Variants in ONECUT3 observed in about 807,000 individuals in gnomAD.
The protein encoded by ONECUT3 is one cut domain family member 3.
In ONECUT3, 11 loss-of-function variants were observed where a neutral mutation model predicts 16.8. The ratio of observed to expected loss-of-function variants is 0.66; its 90% CI spans 0.41 to 1.09. ONECUT3 has a LOEUF of 1.09. Ranked by LOEUF, ONECUT3 falls within the 50% of genes least tolerant of loss-of-function variation. The pLI is 0.00. For missense variants in ONECUT3, 637 were observed against 629.9 expected, an observed-to-expected ratio of 1.01 and a Z score of -0.12; for synonymous variants, 344 against 310.7, an observed-to-expected ratio of 1.11 and a Z score of -1.13.
chr19:1,767,921 C>A (rs1410099676), intron 1 of ONECUT3, among the ~76,000 whole-genome samples: 1 of 152,170 alleles, frequency 6.6e-6, no homozygotes, highest in Non-Finnish European at 1.5e-5. Context: ...CGGGGACCCC[C>A]AGGAACCAGC....
rs142507593 is a variant in ONECUT3, at chr19:1,774,711, G to C, written c.1193-442G>C. The stretch of plus-strand genomic sequence containing the variant: ...TTGGGGGGTATGAGGCTTGGGGGGT[G>C]CCTGAGTGGGCTCCATGGAGAAGGG... On this transcript the variant is annotated intron_variant, in intron 1 of 1. Coordinates refer to ENST00000382349, the MANE Select transcript of ONECUT3 (RefSeq NM_001080488.2). Among the ~76,000 whole-genome samples, 481 of 145,170 alleles carry C rather than the reference G, an allele frequency of 3.3e-3. 14 individuals are homozygous for C. In the East Asian group the frequency reaches 0.067, roughly 20 times the overall value.
At chr19:1,773,228 C>A (rs999541489) in intron 1 of ONECUT3, among the ~76,000 whole-genome samples, 1 of 150,854 alleles carries the variant, frequency 6.6e-6, no homozygotes, top group African/African-American at 2.4e-5. Flanking sequence ...CCTCCCCCAC[C>A]AAACCATTTT....
chr19:1,758,291 CAG>C lies in ONECUT3; in HGVS notation c.1192+3443_1192+3444del, dbSNP rs1326480637. Among the ~76,000 whole-genome samples the C allele has an allele frequency of 1.9e-5, 2 of 107,926 alleles. No individual in the cohort carries two copies. The highest frequency in any genetic ancestry group is 3.7e-5 in the Non-Finnish European group (2 of 53,862). The allele number at this position is 107,926 out of a possible 152,430, so 70.8% of individuals were successfully genotyped here. ...GGTGAAGGAGAGACGAAAAGAGAGG[CAG>C]AGAGACCAAAAAAAAAAAAAAAAGA... On this transcript the variant is annotated intron_variant, in intron 1 of 1. Coordinates refer to ENST00000382349, the MANE Select transcript of ONECUT3 (RefSeq NM_001080488.2). This position sits in a 1 kb window ranked among gnomAD's most constrained non-coding sequence, Gnocchi z 5.9.
rs530290699 is a variant in ONECUT3, at chr19:1,758,937, G to T, written c.1192+4083G>T. 2.0e-5 allele frequency among the ~76,000 whole-genome samples: 3 copies of T among 152,156 alleles called. No homozygotes were observed. The highest frequency in any genetic ancestry group is 7.2e-5 in the African/African-American group (3 of 41,424). ...TTGTAACTGATCAGAAAAAAAATAC[G>T]TATATAGATAATACAAAGTTAGATG... On this transcript the variant is annotated intron_variant, in intron 1 of 1. Transcript: ENST00000382349. This position sits in a 1 kb window ranked among gnomAD's most constrained non-coding sequence, Gnocchi z 5.9.
intron 1 of ONECUT3, among the ~76,000 whole-genome samples, chr19:1,773,369 G>A (rs147059464): frequency 7.2e-5 from 11 of 152,160 alleles, no homozygotes; most frequent in Non-Finnish European, 1.6e-4. Context: ...ACCTGAAACC[G>A]CAGTTAGAAG....
intron 1 of ONECUT3, among the ~76,000 whole-genome samples, chr19:1,763,683 T>G (rs947913965): frequency 1.3e-5 from 2 of 151,976 alleles, no homozygotes; most frequent in Non-Finnish European, 2.9e-5. Context: ...TTTCTCCTTC[T>G]TGCAAAAGGC....
In ONECUT3 at chr19:1,753,553, A is replaced by C. The variant is rs1424960500; in HGVS notation, c.-110A>C. 3.1e-6 allele frequency: 1 copy of C among 318,084 alleles called. No individual in the cohort carries two copies. The highest frequency in any genetic ancestry group is 4.6e-6 in the Non-Finnish European group (1 of 216,404). The allele number at this position is 318,084 out of a possible 1,614,324, so 19.7% of individuals were successfully genotyped here. On this transcript the variant is annotated 5_prime_UTR_variant, in exon 1 of 2. Coordinates refer to ENST00000382349, the MANE Select transcript of ONECUT3 (RefSeq NM_001080488.2). ...AGCCGGGCCGGGCCGTGCGCCGCGCAGCCTGGCAGCCTCGCGCGCAGCCAC... is the reference window on the plus strand; with the variant it reads ...AGCCGGGCCGGGCCGTGCGCCGCGCCGCCTGGCAGCCTCGCGCGCAGCCAC...
intron 1 of ONECUT3, among the ~76,000 whole-genome samples, chr19:1,770,598 GT>G (rs1033259712): frequency 2.6e-5 from 4 of 152,194 alleles, no homozygotes; most frequent in African/African-American, 7.2e-5. Context: ...GAATAAATGA[GT>G]GAGTGAATGA....
At chr19:1,765,666 G>A (rs552711218) in intron 1 of ONECUT3, among the ~76,000 whole-genome samples, 7 of 152,294 alleles carry the variant, frequency 4.6e-5, no homozygotes, top group South Asian at 2.1e-4. Flanking sequence ...TCATTCCTTC[G>A]TGACTCTCGG....
intron 1 of ONECUT3, among the ~76,000 whole-genome samples, chr19:1,765,324 TC>T (rs1251845562): frequency 6.6e-6 from 1 of 152,076 alleles, no homozygotes; most frequent in Admixed American, 6.5e-5. Context: ...TCAGGGACCT[TC>T]CCTCCAGCTG....
At chr19:1,772,860 A>ATTT (rs759006591) in intron 1 of ONECUT3, among the ~76,000 whole-genome samples, 5 of 107,204 alleles carry the variant, frequency 4.7e-5, no homozygotes, top group African/African-American at 7.8e-5. Context: ...CGTCCAGCTA[A>ATTT]TTTTTTTTTT....
chr19:1,761,292 A>G (rs2067945130), intron 1 of ONECUT3, among the ~76,000 whole-genome samples: 1 of 151,872 alleles, frequency 6.6e-6, no homozygotes, highest in South Asian at 2.1e-4. Context: ...ACCTCAGATG[A>G]TCCACCCACC....
intron 1 of ONECUT3, among the ~76,000 whole-genome samples, chr19:1,765,339 C>G (rs12151359): frequency 2.0e-5 from 3 of 152,108 alleles, no homozygotes; most frequent in African/African-American, 4.8e-5. Flanking sequence ...CCAGCTGTCC[C>G]GAAGCCTGGG....
At position 1,766,691 on chromosome 19, in the gene ONECUT3, C is replaced by G. The variant is rs554447100; in HGVS notation, c.1193-8462C>G. On this transcript the variant is annotated intron_variant, in intron 1 of 1. Transcript: ENST00000382349. The surrounding 1 kb of genome is among the most constrained non-coding windows in gnomAD (Gnocchi z 4.0). ...TTGCAGCAATGACTGAATTCAGGGC[C>G]CCTACTCAGCTACTGGCTTCCTGCT... Among the ~76,000 whole-genome samples, 1 of 151,864 alleles carries G rather than the reference C, an allele frequency of 6.6e-6. No individual in the cohort carries two copies. Among genetic ancestry groups the G allele is most frequent in the Non-Finnish European group, 1.5e-5 (1 of 67,950 alleles).
chr19:1,760,466 C>T (rs1284247617), intron 1 of ONECUT3, among the ~76,000 whole-genome samples: 3 of 152,164 alleles, frequency 2.0e-5, no homozygotes, highest in East Asian at 3.9e-4. Context: ...AGCCACTTGG[C>T]CGATCCTCAG....
Position 1,775,203 on chromosome 19 carries a change from A to C in ONECUT3, c.1243A>C (p.Lys415Gln). Reference sequence around the variant, plus strand: ...GCAGAAGGAGCGCGCCCTGCAGCCCAAGAAGCAGCGCCTGGTGTTCACCGA... The same window carrying C: ...GCAGAAGGAGCGCGCCCTGCAGCCCCAGAAGCAGCGCCTGGTGTTCACCGA... The part of the protein sequence containing the change: ...EQQKERALQP[K>Q]KQRLVFTDLQ... The change falls in exon 2 of 2, where the codon AAG (lysine) becomes CAG (glutamine). Residue 415 changes from lysine (K) to glutamine (Q), a missense_variant. Transcript: ENST00000382349. The C allele has an allele frequency of 6.5e-7, 1 of 1,539,420 alleles. No individual in the cohort carries two copies. The highest frequency in any genetic ancestry group is 8.8e-7 in the Non-Finnish European group (1 of 1,140,064).
rs144878528 is a variant in ONECUT3, at chr19:1,766,283, G to A, written c.1193-8870G>A. ...CACGCGGGCACACCCGATGGTGGAC[G>A]GAGGCTGGCACCCTCAGCCCGCACG... On this transcript the variant is annotated intron_variant, in intron 1 of 1. Coordinates refer to ENST00000382349, the MANE Select transcript of ONECUT3 (RefSeq NM_001080488.2). This position sits in a 1 kb window ranked among gnomAD's most constrained non-coding sequence, Gnocchi z 4.0. 6.8e-3 allele frequency among the ~76,000 whole-genome samples: 1,039 copies of A among 152,268 alleles called. 4 individuals are homozygous for A. Among genetic ancestry groups the A allele is most frequent in the Non-Finnish European group, 0.012 (784 of 68,014 alleles).
chr19:1,775,126 G>GGGGCCCCCC, intron 1 of ONECUT3, 27 bp from the exon 2 acceptor site: 2 of 1,143,900 alleles, frequency 1.7e-6, no homozygotes, highest in Non-Finnish European at 2.4e-6. Flanking sequence ...TGTCCCGCTC[G>GGGGCCCCCC]CCCGCCCGCC....
Position 1,766,404 on chromosome 19 carries a change from C to A in ONECUT3, c.1193-8749C>A, listed in dbSNP as rs777365991. On this transcript the variant is annotated intron_variant, in intron 1 of 1. Transcript: ENST00000382349. The surrounding 1 kb of genome is among the most constrained non-coding windows in gnomAD (Gnocchi z 4.0). ...GAAGCCCTCCCTGTTACAAGCCCAGCCCCTCCAAAGGCCTCTGGATGAAGG... is the reference window on the plus strand; with the variant it reads ...GAAGCCCTCCCTGTTACAAGCCCAGACCCTCCAAAGGCCTCTGGATGAAGG... Among the ~76,000 whole-genome samples, 7 of 149,948 alleles carry A rather than the reference C, an allele frequency of 4.7e-5. No individual in the cohort carries two copies. The highest frequency in any genetic ancestry group is 1.0e-4 in the Non-Finnish European group (7 of 66,702).
Sources: gnomAD v4.1 joint callset for allele counts (sites outside exome capture counted in the v4.1 genomes callset) on GRCh38, gnomAD v4.1.1 for gene constraint, Gnocchi (gnomAD v3.1) non-coding constraint, MANE v1.5 for transcripts, NCBI Gene and HGNC (gene_info 2026-07-23, HGNC 2026-07-21) for gene names.